KALRN: variants seen among roughly 807,000 people sequenced by gnomAD.
The protein encoded by KALRN is kalirin RhoGEF kinase.
In KALRN, 70 loss-of-function variants were observed where a neutral mutation model predicts 353.7. The ratio of observed to expected loss-of-function variants is 0.20; its 90% CI spans 0.16 to 0.24. KALRN has a LOEUF of 0.24. Ranked by LOEUF, KALRN falls within the 10% of genes least tolerant of loss-of-function variation. The pLI is 1.00. For missense variants in KALRN, 2,791 were observed against 3,756.7 expected (o/e 0.74, Z 6.72); for synonymous variants, 1,391 against 1,434.8 (o/e 0.97, Z 0.69).
chr3:124,206,663 A>T (rs1470453131), intron 1 of KALRN, among the ~76,000 whole-genome samples: 1 of 152,240 alleles, frequency 6.6e-6, no homozygotes, highest in African/African-American at 2.4e-5. Context: ...CTAAGATTTC[A>T]TCTAAGTTAG....
At chr3:124,120,711 AAT>A (rs368470724) in intron 1 of KALRN, among the ~76,000 whole-genome samples, 35,222 of 97,512 alleles carry the variant, frequency 0.36, 4,970 homozygotes, top group Non-Finnish European at 0.43. Context: ...GAATACTAAA[AAT>A]ATATATATAT....
intron 33 of KALRN, among the ~76,000 whole-genome samples, chr3:124,545,157 C>T (rs2069489769): frequency 6.6e-6 from 1 of 152,196 alleles, no homozygotes; most frequent in South Asian, 2.1e-4. Context: ...TCCTATATTA[C>T]CTAACATTTG....
At chr3:124,388,232 T>G (rs1360676115) in intron 11 of KALRN, among the ~76,000 whole-genome samples, 1 of 152,182 alleles carries the variant, frequency 6.6e-6, no homozygotes, top group Admixed American at 6.5e-5. Context: ...TTTTTCCTAG[T>G]AGGAAACTTC....
chr3:124,634,065 C>A, intron 36 of KALRN, 112 bp downstream of exon 36: 3 of 771,148 alleles, frequency 3.9e-6, no homozygotes, highest in East Asian at 5.5e-5. Context: ...TCGTCGTCCA[C>A]ATGAATCCAT....
intron 1 of KALRN, among the ~76,000 whole-genome samples, chr3:124,204,715 A>G (rs898430439): frequency 6.6e-6 from 1 of 152,166 alleles, no homozygotes; most frequent in African/African-American, 2.4e-5. Context: ...TTCTTTTTTT[A>G]AAATAATCCC....
chr3:124,128,323 C>T (rs184536090), intron 1 of KALRN, among the ~76,000 whole-genome samples: 7 of 152,154 alleles, frequency 4.6e-5, no homozygotes, highest in African/African-American at 1.2e-4. Flanking sequence ...GCTTGTTTGT[C>T]TGGTGGCCAT....
At chr3:124,715,777 A>G (rs1234564599) in intron 58 of KALRN, among the ~76,000 whole-genome samples, 1 of 152,190 alleles carries the variant, frequency 6.6e-6, no homozygotes, top group African/African-American at 2.4e-5. Flanking sequence ...TGTGCCTTTA[A>G]CAACTCAATG....
rs531665267 is a variant in KALRN, at chr3:124,409,013, C to CT, written c.2347-4451dup. Among the ~76,000 whole-genome samples, 3 of 152,280 alleles carry CT rather than the reference C, an allele frequency of 2.0e-5. No individual in the cohort carries two copies. The South Asian group carries it at 6.2e-4, about 32-fold the overall frequency. On this transcript the variant is annotated intron_variant, in intron 13 of 59. Coordinates refer to ENST00000682506, the MANE Select transcript of KALRN (RefSeq NM_001388419.1). The stretch of plus-strand genomic sequence containing the variant: ...TTTCCATTTCCCACTGCCTCTTACC[C>CT]TTTTTTAAATTTTATTTTGGCACTT...
chr3:124,193,757 C>CT (rs1466356637), intron 1 of KALRN, among the ~76,000 whole-genome samples: 12 of 152,082 alleles, frequency 7.9e-5, no homozygotes, highest in Non-Finnish European at 1.6e-4. Flanking sequence ...CTTTGTTTCA[C>CT]TTTTTTCTTT....
At chr3:124,333,256 G>A (rs138408779) in intron 8 of KALRN, among the ~76,000 whole-genome samples, 24 of 152,272 alleles carry the variant, frequency 1.6e-4, no homozygotes, top group African/African-American at 5.5e-4. Flanking sequence ...AGATTTAAAT[G>A]GGGACACAGA....
chr3:124,191,727 G>C (rs1056142437), intron 1 of KALRN, among the ~76,000 whole-genome samples: 1 of 152,154 alleles, frequency 6.6e-6, no homozygotes. Context: ...GGTAGTCTCA[G>C]GGTAGCCAGA....
At chr3:124,251,166 T>C (rs1347412948) in intron 3 of KALRN, among the ~76,000 whole-genome samples, 5 of 152,140 alleles carry the variant, frequency 3.3e-5, no homozygotes, top group East Asian at 1.9e-4. Context: ...ACCTTACTGA[T>C]TGACAAACCC....
Position 124,563,078 on chromosome 3 carries a change from C to G in KALRN, c.5171C>G (p.Pro1724Arg). 3 of 1,367,556 alleles carry G rather than the reference C, an allele frequency of 2.2e-6. No homozygotes were observed. The highest frequency in any genetic ancestry group is 2.9e-6 in the Non-Finnish European group (3 of 1,021,912). 84.7% of individuals were successfully genotyped at this position (1,367,556 alleles called of 1,614,324 possible). Residue 1724 changes from proline (P) to arginine (R), a missense_variant, in exon 34 of 60, where the codon CCC becomes CGC. This residue lies in a region of KALRN where 239 missense variants were observed against 351.3 expected (regional missense o/e 0.68). Transcript: ENST00000682506. ...AGCGTGGAGATGGACTGCTTCTTCC[C>G]CTTGGTGAAAGGTAGGAGAACAGAG... ...RSSVEMDCFF[P>R]LVKDAYSHSS...
At chr3:124,415,544 G>A (rs1486191472) in intron 14 of KALRN, among the ~76,000 whole-genome samples, 1 of 152,194 alleles carries the variant, frequency 6.6e-6, no homozygotes, top group African/African-American at 2.4e-5. Flanking sequence ...AGTTGCTATA[G>A]GCATTGAAAC....
At chr3:124,663,172 C>T (rs2085111833) in intron 45 of KALRN, among the ~76,000 whole-genome samples, 1 of 152,210 alleles carries the variant, frequency 6.6e-6, no homozygotes. Context: ...GTCTCGAACT[C>T]CCGACCTCAG....
chr3:124,433,596 T>TAAAAAA (rs144487793), intron 16 of KALRN, among the ~76,000 whole-genome samples: 4 of 95,110 alleles, frequency 4.2e-5, no homozygotes, highest in Non-Finnish European at 6.3e-5. Flanking sequence ...AGACCCTGTC[T>TAAAAAA]AAAAAAAAAA....
intron 33 of KALRN, among the ~76,000 whole-genome samples, chr3:124,543,710 A>C (rs182704206): frequency 7.4e-4 from 112 of 152,186 alleles, no homozygotes; most frequent in African/African-American, 2.6e-3. Flanking sequence ...ACTTGATGAA[A>C]GATAATTCTC....
intron 33 of KALRN, among the ~76,000 whole-genome samples, chr3:124,516,089 C>T (rs2066513680): frequency 6.6e-6 from 1 of 152,118 alleles, no homozygotes. Context: ...TTTCTTTAAC[C>T]CCCAATGGAT....
intron 45 of KALRN, among the ~76,000 whole-genome samples, chr3:124,662,193 CTTT>C (rs10549005): frequency 0.023 from 2,242 of 96,584 alleles, 35 homozygotes; most frequent in African/African-American, 0.089. Context: ...ACCCAGAATT[CTTT>C]TTTTTTTTTT....
Sources: allele counts gnomAD v4.1 joint callset (sites outside exome capture counted in the v4.1 genomes callset), GRCh38; gene constraint gnomAD v4.1.1; regional missense constraint gnomAD v4.1.1; transcripts MANE v1.5; gene names NCBI Gene and HGNC (gene_info 2026-07-23, HGNC 2026-07-21).